Variants in FOXJ2 observed in about 807,000 individuals in gnomAD.
The protein encoded by FOXJ2 is forkhead box J2, also known as forkhead box protein J2.
Under a neutral mutation model 68.4 loss-of-function variants are expected in FOXJ2, and 18 were observed. The ratio of observed to expected loss-of-function variants is 0.26; its 90% confidence interval spans 0.18 to 0.39. The LOEUF is 0.39. FOXJ2 is among the 10% of genes least tolerant of loss of function. The pLI is 1.00. For missense variants in FOXJ2, 670 were observed against 726.5 expected (o/e 0.92, Z 0.89); for synonymous variants, 274 against 263.2 (o/e 1.04, Z -0.40).
intron 1 of FOXJ2, among the ~76,000 whole-genome samples, chr12:8,037,067 C>T (rs1434128196): frequency 1.3e-5 from 2 of 152,126 alleles, no homozygotes; most frequent in South Asian, 2.1e-4. Flanking sequence ...CTATCCTGGG[C>T]CACAGAGCAA....
At chr12:8,045,031 T>C (rs1379919305) in intron 6 of FOXJ2, 73 bp downstream of exon 6, 17 of 1,431,192 alleles carry the variant, frequency 1.2e-5, no homozygotes, top group Non-Finnish European at 1.5e-5. Context: ...CATTTTCTTT[T>C]TTCCCTTAGT....
chr12:8,045,677 G>A (rs908716875), intron 6 of FOXJ2, among the ~76,000 whole-genome samples: 19 of 147,964 alleles, frequency 1.3e-4, no homozygotes, highest in African/African-American at 4.7e-4. Flanking sequence ...TTTTTTTGAG[G>A]CACAGTTTCG....
chr12:8,047,730 G>A (rs1205813252), intron 6 of FOXJ2, 152 bp from the exon 7 acceptor site: 13 of 1,012,540 alleles, frequency 1.3e-5, no homozygotes, highest in Non-Finnish European at 1.9e-5. Flanking sequence ...TACCTGCCAG[G>A]AGGGCCACAG....
intron 5 of FOXJ2, 136 bp from the exon 6 acceptor site, chr12:8,044,624 G>A (rs1947009471): frequency 5.1e-6 from 4 of 787,926 alleles, no homozygotes; most frequent in Non-Finnish European, 8.2e-6. Context: ...GAGGAAAGAA[G>A]GAGAAAATGA....
At chr12:8,043,634 AC>A (rs1369628171) in intron 3 of FOXJ2, 66 bp from the exon 4 acceptor site, 35 of 1,540,890 alleles carry the variant, frequency 2.3e-5, no homozygotes, top group Non-Finnish European at 1.8e-5. Flanking sequence ...CTTCATTAAT[AC>A]CCAGAACCCT....
At position 8,040,178 on chromosome 12, in the gene FOXJ2, C is replaced by T. The variant is rs1946945835; in HGVS notation, c.333+13C>T. 1 of 1,612,212 alleles carries T rather than the reference C, an allele frequency of 6.2e-7. No individual in the cohort carries two copies. The highest frequency in any genetic ancestry group is 8.5e-7 in the Non-Finnish European group (1 of 1,178,616). ...CATTGGTTGGAAGGTGGGAATGCTT[C>T]TATAATCTTGGCTTAGGTTTAGGCT... On this transcript the variant is annotated intron_variant, in intron 2 of 10. Coordinates refer to ENST00000162391, the MANE Select transcript of FOXJ2 (RefSeq NM_018416.3). The surrounding 1 kb of genome is among the most constrained non-coding windows in gnomAD (Gnocchi z 4.0).
rs771131857 is a variant in FOXJ2, at chr12:8,054,929, T to G, written c.*2079T>G. 3 of 152,334 alleles carry G rather than the reference T, an allele frequency of 2.0e-5. No individual in the cohort carries two copies. The highest frequency in any genetic ancestry group is 4.4e-5 in the Non-Finnish European group (3 of 68,028). 9.4% of individuals were successfully genotyped at this position (152,334 alleles called of 1,614,324 possible). A position where few individuals can be genotyped will look rare whatever the true frequency, so the allele number is the denominator to read the frequency against. On this transcript the variant is annotated 3_prime_UTR_variant, in exon 11 of 11. Transcript: ENST00000162391. ...CAGATCCATACAGGATTTGCAAGGG[T>G]AGGATCATACATGCAAATGCCCCTT...
At position 8,044,039 on chromosome 12, in the gene FOXJ2, G is replaced by A. The variant is rs1162503528; in HGVS notation, c.566G>A (p.Gly189Glu). ...GSGEASLPPE[G>E]NPQMSLQSPT... is the part of the protein sequence containing the mutation. ...GGAGAAGCCTCACTGCCTCCTGAGG[G>A]GAATCCGCAGATGTCACTTCAGAGC... Residue 189 changes from glycine to glutamate, a missense_variant, in exon 5 of 11, where the codon GGG becomes GAG. By Grantham distance (98) the Gly-to-Glu change is moderately conservative. Around this residue, in one of 2 missense-constraint regions of FOXJ2, gnomAD observed 555 missense variants for 562.2 expected, o/e 0.99. Transcript: ENST00000162391. 6.3e-7 allele frequency: 1 copy of A among 1,584,084 alleles called. No homozygotes were observed. Among genetic ancestry groups the A allele is most frequent in the East Asian group, 2.2e-5 (1 of 44,598 alleles).
At chr12:8,042,979 G>T (rs1193208508) in intron 3 of FOXJ2, among the ~76,000 whole-genome samples, 1 of 152,110 alleles carries the variant, frequency 6.6e-6, no homozygotes, top group Non-Finnish European at 1.5e-5. Context: ...ACTTTAGGTG[G>T]CCGAGGCGGG....
chr12:8,036,943 G>T (rs1429906796), intron 1 of FOXJ2, among the ~76,000 whole-genome samples: 1 of 152,132 alleles, frequency 6.6e-6, no homozygotes, highest in African/African-American at 2.4e-5. Flanking sequence ...ACAAAAAATA[G>T]CCGGGTGTGG....
At position 8,049,430 on chromosome 12, in the gene FOXJ2, C is replaced by A; in HGVS notation, c.1396C>A (p.Leu466Met). 1 of 1,614,172 alleles carries A rather than the reference C, an allele frequency of 6.2e-7. No homozygotes were observed. The highest frequency in any genetic ancestry group is 8.5e-7 in the Non-Finnish European group (1 of 1,180,028). ...CCTCGACCAGCATCACATTGCCAAT[C>A]TGTGTGACTCCCTCAACCACTTCCT... ...WTLDQHHIAN[L>M]CDSLNHFLTQ... The change falls in exon 9 of 11, where the codon CTG (leucine) becomes ATG (methionine). Residue 466 changes from leucine to methionine, a missense_variant. Transcript: ENST00000162391.
Position 8,040,395 on chromosome 12 carries a change from G to C in FOXJ2, c.333+230G>C, listed in dbSNP as rs145100365. On this transcript the variant is annotated intron_variant, in intron 2 of 10. Transcript: ENST00000162391. The surrounding 1 kb of genome is among the most constrained non-coding windows in gnomAD (Gnocchi z 4.0). ...ATTAAGTATAGTGATGGGGATGGCAGGACGCTGTTGCTCATCACACCCTCT... is the reference window on the plus strand; with the variant it reads ...ATTAAGTATAGTGATGGGGATGGCACGACGCTGTTGCTCATCACACCCTCT... 3.3e-5 allele frequency among the ~76,000 whole-genome samples: 5 copies of C among 152,034 alleles called. No individual in the cohort carries two copies. In the East Asian group the frequency reaches 7.7e-4, roughly 24 times the overall value.
At chr12:8,041,419 G>T (rs1946963090) in intron 2 of FOXJ2, among the ~76,000 whole-genome samples, 1 of 151,340 alleles carries the variant, frequency 6.6e-6, no homozygotes, top group African/African-American at 2.4e-5. Flanking sequence ...TGGCTGGGCT[G>T]GTCTTGAACT....
At chr12:8,041,393 C>T (rs756511083) in intron 2 of FOXJ2, among the ~76,000 whole-genome samples, 11 of 151,598 alleles carry the variant, frequency 7.3e-5, no homozygotes, top group Non-Finnish European at 1.3e-4. Flanking sequence ...TTAATAGAGA[C>T]GGGGTTTCAC....
At chr12:8,050,883 C>T (rs1177064885) in intron 10 of FOXJ2, among the ~76,000 whole-genome samples, 4 of 88,782 alleles carry the variant, frequency 4.5e-5, no homozygotes, top group East Asian at 3.9e-4. Context: ...CCTTCCCCTT[C>T]CCTTCCCCTT....
At position 8,049,515 on chromosome 12, in the gene FOXJ2, G is replaced by C. The variant is rs143592450; in HGVS notation, c.1481G>C (p.Arg494Pro). 6.2e-7 allele frequency: 1 copy of C among 1,613,728 alleles called. No individual in the cohort carries two copies. The highest frequency in any genetic ancestry group is 8.5e-7 in the Non-Finnish European group (1 of 1,179,810). ...GGTHRPPAPA[R>P]IADSCALTSG... ...ACCCACCGCCCACCAGCCCCTGCCC[G>C]TATTGCTGACTCCTGTGCCCTCACC... Residue 494 changes from arginine to proline, a missense_variant, in exon 9 of 11, where the codon CGT becomes CCT. Coordinates refer to ENST00000162391, the MANE Select transcript of FOXJ2 (RefSeq NM_018416.3).
chr12:8,049,375 T>C lies in FOXJ2; in HGVS notation c.1341T>C (p.Ser447=). 1 of 1,612,112 alleles carries C rather than the reference T, an allele frequency of 6.2e-7. No individual in the cohort carries two copies. The highest frequency in any genetic ancestry group is 8.5e-7 in the Non-Finnish European group (1 of 1,179,032). ...EQSQFSELME[S]LRQAEQKNWT... ...CCCTCTTTGTAGAACTGATGGAGAG[T>C]CTACGACAGGCAGAGCAGAAGAACT... Residue 447 remains serine (S), a synonymous_variant, in exon 9 of 11, where the codon AGT becomes AGC. Transcript: ENST00000162391.
chr12:8,042,869 C>G, intron 3 of FOXJ2, 137 bp downstream of exon 3: 1 of 745,668 alleles, frequency 1.3e-6, no homozygotes, highest in East Asian at 2.8e-5. Context: ...ATTTTTTTCT[C>G]AGAGGAAGCT....
chr12:8,047,790 A>G, intron 6 of FOXJ2, 92 bp from the exon 7 acceptor site: 1 of 1,456,424 alleles, frequency 6.9e-7, no homozygotes, highest in Non-Finnish European at 9.2e-7. Flanking sequence ...CCACAGTTTT[A>G]GTCTGAGGCT....
Sources: gnomAD v4.1 joint callset for allele counts (sites outside exome capture counted in the v4.1 genomes callset) on GRCh38, gnomAD v4.1.1 for gene constraint, gnomAD v4.1.1 regional missense constraint, Gnocchi (gnomAD v3.1) non-coding constraint, MANE v1.5 for transcripts, NCBI Gene and HGNC (gene_info 2026-07-23, HGNC 2026-07-21) for gene names.